Variants in PRKG1 observed in about 807,000 individuals in gnomAD.
PRKG1 encodes protein kinase cGMP-dependent 1, also known as cGMP-dependent protein kinase 1.
Under a neutral mutation model 88.1 loss-of-function variants are expected in PRKG1, and 35 were observed. The ratio of observed to expected loss-of-function variants is 0.40; its 90% CI spans 0.30 to 0.53. The LOEUF (loss-of-function observed/expected upper bound fraction) is 0.53. Among genes scored for constraint, PRKG1 ranks in the 20% least tolerant of loss-of-function variants. The pLI, the probability that PRKG1 is intolerant of heterozygous loss-of-function variation, is 0.59. For missense variants in PRKG1, 540 were observed against 839.8 expected, an observed-to-expected ratio of 0.64 and a Z score of 4.41; for synonymous variants, 303 against 292.5, an observed-to-expected ratio of 1.04 and a Z score of -0.37.
intron 9 of PRKG1, among the ~76,000 whole-genome samples, chr10:52,200,791 A>T (rs374282853): frequency 5.3e-5 from 8 of 152,008 alleles, no homozygotes; most frequent in African/African-American, 1.9e-4. Flanking sequence ...TTAGATTTGC[A>T]TTTCTCTAAT....
chr10:51,598,596 G>T (rs574879079), intron 3 of PRKG1, among the ~76,000 whole-genome samples: 1 of 152,166 alleles, frequency 6.6e-6, no homozygotes, highest in African/African-American at 2.4e-5. Flanking sequence ...TTAGTCACTC[G>T]ATAGAAGTTG....
intron 3 of PRKG1, among the ~76,000 whole-genome samples, chr10:51,663,186 G>C (rs1435985653): frequency 6.6e-6 from 1 of 151,940 alleles, no homozygotes; most frequent in Non-Finnish European, 1.5e-5. Flanking sequence ...GGCCAGATTG[G>C]GCAACACTGG....
intron 1 of PRKG1, among the ~76,000 whole-genome samples, chr10:50,997,163 T>C (rs1040371268): frequency 1.8e-4 from 27 of 152,038 alleles, no homozygotes; most frequent in Admixed American, 1.3e-4. Flanking sequence ...TGAAAGAAAA[T>C]TTGGGTTGTT....
intron 4 of PRKG1, among the ~76,000 whole-genome samples, chr10:51,894,959 G>A (rs911934509): frequency 1.3e-5 from 2 of 152,150 alleles, no homozygotes; most frequent in African/African-American, 2.4e-5. Context: ...TGTTACACAT[G>A]CTGCTATAGT....
chr10:51,759,249 C>G (rs1480711729), intron 3 of PRKG1, among the ~76,000 whole-genome samples: 2 of 151,736 alleles, frequency 1.3e-5, no homozygotes, highest in African/African-American at 4.8e-5. Context: ...ATTTTTGGTT[C>G]TAGGTCTTTG....
chr10:51,247,719 C>A, intron 2 of PRKG1, among the ~76,000 whole-genome samples: 1 of 151,932 alleles, frequency 6.6e-6, no homozygotes, highest in East Asian at 1.9e-4. Context: ...TGGAGCCCCA[C>A]CTATATCCCA....
chr10:51,687,715 A>G (rs1446203008), intron 3 of PRKG1, among the ~76,000 whole-genome samples: 1 of 152,204 alleles, frequency 6.6e-6, no homozygotes, highest in Non-Finnish European at 1.5e-5. Context: ...AGCTTGGCTG[A>G]AACAATTTTT....
intron 5 of PRKG1, among the ~76,000 whole-genome samples, chr10:51,972,935 C>A (rs757286453): frequency 3.9e-5 from 6 of 152,064 alleles, no homozygotes; most frequent in African/African-American, 7.2e-5. Context: ...GAACACGAAG[C>A]CTCCCAGGAG....
chr10:51,924,688 G>A (rs2132987418), intron 5 of PRKG1, among the ~76,000 whole-genome samples: 1 of 147,646 alleles, frequency 6.8e-6, no homozygotes, highest in South Asian at 2.2e-4. Flanking sequence ...TGCATCTTTT[G>A]GAATTGTCCC....
intron 2 of PRKG1, among the ~76,000 whole-genome samples, chr10:51,334,268 G>T (rs757717682): frequency 6.7e-6 from 1 of 150,042 alleles, no homozygotes; most frequent in Non-Finnish European, 1.5e-5. Flanking sequence ...CTTCAGATCA[G>T]ATCTCAACTA....
chr10:51,166,739 CA>C (rs1247782123), intron 2 of PRKG1, among the ~76,000 whole-genome samples: 1 of 152,072 alleles, frequency 6.6e-6, no homozygotes, highest in African/African-American at 2.4e-5. Flanking sequence ...TACATCTATA[CA>C]AAGCAGGCAT....
At chr10:51,247,689 T>C (rs2132135309) in intron 2 of PRKG1, among the ~76,000 whole-genome samples, 1 of 152,154 alleles carries the variant, frequency 6.6e-6, no homozygotes, top group South Asian at 2.1e-4. Flanking sequence ...GAATGAATGA[T>C]ACATCAATGA....
intron 3 of PRKG1, among the ~76,000 whole-genome samples, chr10:51,711,397 C>T (rs1010555413): frequency 6.6e-6 from 1 of 152,198 alleles, no homozygotes; most frequent in Non-Finnish European, 1.5e-5. Context: ...AGCCACTGCG[C>T]CTGGCCTGAC....
At chr10:51,048,533 T>G (rs2666537) in intron 1 of PRKG1, among the ~76,000 whole-genome samples, 5,061 of 152,260 alleles carry the variant, frequency 0.033, 273 homozygotes, top group African/African-American at 0.11. Flanking sequence ...GTTTATATGA[T>G]TTGAGCTTCA....
chr10:51,393,069 GCTGCCGGGCGGAGGGGCTCCTCAC>G (rs1837473193), intron 2 of PRKG1, among the ~76,000 whole-genome samples: 3 of 60,926 alleles, frequency 4.9e-5, no homozygotes, highest in African/African-American at 1.3e-4. Context: ...AGGCGGGGCG[GCTGCCGGGCGGAGGGGCTCCTCAC>G]TTCTCAGACG....
intron 2 of PRKG1, among the ~76,000 whole-genome samples, chr10:51,312,118 C>G (rs778039207): frequency 2.0e-5 from 3 of 152,156 alleles, no homozygotes; most frequent in Non-Finnish European, 4.4e-5. Context: ...GTGATCTGCC[C>G]GCCTCGGCCT....
intron 1 of PRKG1, among the ~76,000 whole-genome samples, chr10:51,048,664 A>T (rs1843520955): frequency 6.6e-6 from 1 of 152,184 alleles, no homozygotes; most frequent in Non-Finnish European, 1.5e-5. Flanking sequence ...TCAAGAGACT[A>T]AAAGCATTAG....
intron 2 of PRKG1, among the ~76,000 whole-genome samples, chr10:51,396,106 C>T (rs1837569522): frequency 6.6e-6 from 1 of 152,118 alleles, no homozygotes; most frequent in African/African-American, 2.4e-5. Context: ...AAGGAGGGGC[C>T]TAGCTGCCAT....
At chr10:52,066,102 C>T (rs1175697337) in intron 7 of PRKG1, among the ~76,000 whole-genome samples, 1 of 152,130 alleles carries the variant, frequency 6.6e-6, no homozygotes, top group Non-Finnish European at 1.5e-5. Flanking sequence ...TCTAAGTGCC[C>T]TCTTAAATGT....
Sources: gnomAD v4.1 joint callset for allele counts (sites outside exome capture counted in the v4.1 genomes callset) on GRCh38, gnomAD v4.1.1 for gene constraint, MANE v1.5 for transcripts, NCBI Gene and HGNC (gene_info 2026-07-23, HGNC 2026-07-21) for gene names.